The following PPARGC1A variants were observed in gnomAD, a reference collection of about 807,000 sequenced individuals.
The protein encoded by PPARGC1A is PPARG coactivator 1 alpha.
PPARGC1A carries 25 observed loss-of-function variants against 88.7 expected under a neutral mutation model. The ratio of observed to expected loss-of-function variants is 0.28; its 90% CI spans 0.21 to 0.39. The LOEUF (loss-of-function observed/expected upper bound fraction) is 0.39, where lower values mean the gene tolerates loss of function less well. Among genes scored for constraint, PPARGC1A ranks in the 10% least tolerant of loss-of-function variants. The pLI is 1.00. For missense variants in PPARGC1A, 880 were observed against 968.7 expected (o/e 0.91, Z 1.22); for synonymous variants, 363 against 355.6 (o/e 1.02, Z -0.24).
chr4:24,346,313 T>A, the PPARGC1A span, among the ~76,000 whole-genome samples: 1 of 151,698 alleles, frequency 6.6e-6, no homozygotes, highest in Non-Finnish European at 1.5e-5. Context: ...TTAGGGAGGG[T>A]TTTTTCTTTC....
At chr4:23,810,832 T>A (rs908681777) in intron 10 of PPARGC1A, among the ~76,000 whole-genome samples, 1 of 152,246 alleles carries the variant, frequency 6.6e-6, no homozygotes, top group Non-Finnish European at 1.5e-5. Context: ...TTGTAATGAT[T>A]ATAATGTGCC....
At chr4:23,916,275 T>C in the PPARGC1A span, among the ~76,000 whole-genome samples, 1 of 152,324 alleles carries the variant, frequency 6.6e-6, no homozygotes, top group African/African-American at 2.4e-5. Flanking sequence ...AATCTTAATA[T>C]GTGATAATGT....
the PPARGC1A span, among the ~76,000 whole-genome samples, chr4:24,287,665 C>CACACACACACA: frequency 4.4e-4 from 66 of 151,344 alleles, no homozygotes; most frequent in East Asian, 2.2e-3. Flanking sequence ...CACACACACA[C>CACACACACACA]AACTGCACTC....
the PPARGC1A span, among the ~76,000 whole-genome samples, chr4:24,087,754 G>A: frequency 6.6e-6 from 1 of 152,206 alleles, no homozygotes. Flanking sequence ...GGCATTAACT[G>A]TGCTACAGCT....
the PPARGC1A span, among the ~76,000 whole-genome samples, chr4:24,217,070 G>A: frequency 6.6e-6 from 1 of 152,210 alleles, no homozygotes; most frequent in Non-Finnish European, 1.5e-5. Context: ...ACGGCAATGT[G>A]TGAATACATG....
At chr4:23,901,466 T>C (rs536481919), upstream of PPARGC1A, among the ~76,000 whole-genome samples, 1 of 143,326 alleles carries the variant, frequency 7.0e-6, no homozygotes, top group South Asian at 2.2e-4. Context: ...ACCGCTTGAA[T>C]GCAGGAGGTG....
At chr4:24,437,659 GT>G in the PPARGC1A span, among the ~76,000 whole-genome samples, 7,726 of 150,922 alleles carry the variant, frequency 0.051, 216 homozygotes, top group Middle Eastern at 0.14. Flanking sequence ...TTTTTTGGGG[GT>G]TTTTTTCTTT....
chr4:23,987,996 T>C, the PPARGC1A span, among the ~76,000 whole-genome samples: 1 of 151,460 alleles, frequency 6.6e-6, no homozygotes, highest in Admixed American at 6.6e-5. Flanking sequence ...TGTGTCCATG[T>C]GTTCTCATTG....
the PPARGC1A span, among the ~76,000 whole-genome samples, chr4:24,458,747 T>A: frequency 1.3e-5 from 2 of 152,184 alleles, no homozygotes; most frequent in African/African-American, 2.4e-5. Flanking sequence ...TGATACAGGA[T>A]GGTTAAATAA....
the PPARGC1A span, among the ~76,000 whole-genome samples, chr4:24,033,974 C>T: frequency 6.6e-6 from 1 of 152,230 alleles, no homozygotes; most frequent in Non-Finnish European, 1.5e-5. Context: ...CCTCAGGAAT[C>T]TGAGTGGTCC....
the PPARGC1A span, among the ~76,000 whole-genome samples, chr4:24,302,513 C>T: frequency 4.6e-5 from 7 of 152,208 alleles, no homozygotes; most frequent in South Asian, 2.1e-4. Context: ...ATGAAGGTGG[C>T]CCTGAGGCAG....
At chr4:23,871,256 T>C (rs1713297757) in intron 2 of PPARGC1A, among the ~76,000 whole-genome samples, 1 of 151,354 alleles carries the variant, frequency 6.6e-6, no homozygotes, top group Admixed American at 6.6e-5. Flanking sequence ...CAGGAGAAAC[T>C]GACACAAAGT....
the PPARGC1A span, among the ~76,000 whole-genome samples, chr4:24,464,167 G>A: frequency 6.6e-6 from 1 of 152,258 alleles, no homozygotes; most frequent in East Asian, 1.9e-4. Flanking sequence ...ATTGTCAGTG[G>A]AATTCAATAA....
the PPARGC1A span, among the ~76,000 whole-genome samples, chr4:23,965,701 C>T: frequency 6.6e-6 from 1 of 152,130 alleles, no homozygotes; most frequent in South Asian, 2.1e-4. Context: ...AAATCCTCTG[C>T]CTTCTTTTGG....
chr4:24,250,153 C>T, the PPARGC1A span, among the ~76,000 whole-genome samples: 1 of 152,180 alleles, frequency 6.6e-6, no homozygotes, highest in Non-Finnish European at 1.5e-5. Flanking sequence ...CAGAACACTG[C>T]AGATGTAGAG....
In PPARGC1A at chr4:23,813,183, A is replaced by G; in HGVS notation, c.1794-58T>C. The G allele has an allele frequency of 3.5e-6, 5 of 1,437,348 alleles. No homozygotes were observed. In the Middle Eastern group the frequency reaches 5.5e-4, roughly 158 times the overall value. The allele number at this position is 1,437,348 out of a possible 1,614,324, so 89.0% of individuals were successfully genotyped here. A position where few individuals can be genotyped will look rare whatever the true frequency, so the allele number is the denominator to read the frequency against. ...TGCAACTGCCACTTAACCCAAGTTTATCGGCACTGTGGAGCATCCTCTGGG... is the reference window on the plus strand; with the variant it reads ...TGCAACTGCCACTTAACCCAAGTTTGTCGGCACTGTGGAGCATCCTCTGGG... On this transcript the variant is annotated intron_variant, in intron 8 of 12. Coordinates refer to ENST00000264867, the MANE Select transcript of PPARGC1A (RefSeq NM_013261.5).
chr4:24,396,935 A>G, the PPARGC1A span, among the ~76,000 whole-genome samples: 2 of 152,168 alleles, frequency 1.3e-5, no homozygotes, highest in African/African-American at 2.4e-5. Flanking sequence ...TGGTACTCTC[A>G]TGCATCCTCT....
chr4:23,970,546 A>G, the PPARGC1A span, among the ~76,000 whole-genome samples: 1 of 152,232 alleles, frequency 6.6e-6, no homozygotes, highest in Non-Finnish European at 1.5e-5. Context: ...CTGAGGGGGT[A>G]GGTAACGGGG....
At chr4:24,142,913 T>C in the PPARGC1A span, among the ~76,000 whole-genome samples, 1 of 150,310 alleles carries the variant, frequency 6.7e-6, no homozygotes. Flanking sequence ...GCCTGGCGCA[T>C]AGCTGAGGCT....
Sources: gnomAD v4.1 joint callset for allele counts (sites outside exome capture counted in the v4.1 genomes callset) on GRCh38, gnomAD v4.1.1 for gene constraint, MANE v1.5 for transcripts, NCBI Gene and HGNC (gene_info 2026-07-23, HGNC 2026-07-21) for gene names.